The following BRD10 variants were observed in gnomAD, a reference collection of about 807,000 sequenced individuals.
BRD10 encodes bromodomain containing 10.
At chr9:5,999,609 A>G in the BRD10 span, among the ~76,000 whole-genome samples, 5 of 152,230 alleles carry the variant, frequency 3.3e-5, no homozygotes, top group African/African-American at 9.6e-5. Flanking sequence ...ATCTGGCTAC[A>G]TAATCTGGCC....
chr9:5,929,229 G>C, the BRD10 span: 7 of 832,382 alleles, frequency 8.4e-6, no homozygotes, highest in Middle Eastern at 7.4e-4. Context: ...TATTTTCTGA[G>C]TAAAATACAA....
the BRD10 span, among the ~76,000 whole-genome samples, chr9:5,916,434 T>C: frequency 8.6e-5 from 13 of 152,010 alleles, no homozygotes; most frequent in South Asian, 6.2e-4. Context: ...ACCAATAAAA[T>C]TGGAGACTTG....
At chr9:5,910,706 G>C in the BRD10 span, 1 of 152,236 alleles carries the variant, frequency 6.6e-6, no homozygotes, top group Non-Finnish European at 1.5e-5. Context: ...CTTGGGCTGA[G>C]TCTGCCAGAA....
At chr9:5,926,332 G>C in the BRD10 span, among the ~76,000 whole-genome samples, 11 of 151,954 alleles carry the variant, frequency 7.2e-5, no homozygotes, top group African/African-American at 2.7e-4. Context: ...TTTTGAGACA[G>C]GGTCTCGCTT....
the BRD10 span, among the ~76,000 whole-genome samples, chr9:6,006,943 C>A: frequency 9.8e-5 from 15 of 152,354 alleles, no homozygotes; most frequent in African/African-American, 3.6e-4. Flanking sequence ...TTTACATCTG[C>A]AAACTATACC....
the BRD10 span, among the ~76,000 whole-genome samples, chr9:5,987,356 T>A: frequency 3.2e-4 from 49 of 152,180 alleles, 1 homozygote; most frequent in African/African-American, 1.1e-3. Flanking sequence ...GTAGTGGAGA[T>A]GTAGACTACT....
chr9:5,912,879 G>A, the BRD10 span, among the ~76,000 whole-genome samples: 1 of 152,208 alleles, frequency 6.6e-6, no homozygotes, highest in Non-Finnish European at 1.5e-5. Context: ...TCCTCTGGCT[G>A]CAATAAGCAT....
At chr9:5,885,515 C>A in the BRD10 span, among the ~76,000 whole-genome samples, 156 of 152,186 alleles carry the variant, frequency 1.0e-3, no homozygotes, top group African/African-American at 3.7e-3. Flanking sequence ...GGATTACAGG[C>A]ATGCACCACC....
the BRD10 span, among the ~76,000 whole-genome samples, chr9:6,005,661 G>C: frequency 6.6e-6 from 1 of 152,164 alleles, no homozygotes; most frequent in East Asian, 1.9e-4. Context: ...GAACTCTAAG[G>C]TTCTTCCAGG....
At chr9:5,929,884 T>TA in the BRD10 span, among the ~76,000 whole-genome samples, 1 of 152,142 alleles carries the variant, frequency 6.6e-6, no homozygotes, top group Non-Finnish European at 1.5e-5. Flanking sequence ...TAAGGTCCTA[T>TA]AACTTAAACC....
the BRD10 span, among the ~76,000 whole-genome samples, chr9:5,981,263 G>C: frequency 6.6e-6 from 1 of 152,164 alleles, no homozygotes. Context: ...AGGTTGCCTT[G>C]GGCTTTGTCC....
At chr9:5,949,286 A>G in the BRD10 span, among the ~76,000 whole-genome samples, 1 of 152,218 alleles carries the variant, frequency 6.6e-6, no homozygotes, top group African/African-American at 2.4e-5. Flanking sequence ...TTGAACCAGG[A>G]AGTCAGAGAT....
At chr9:6,003,404 T>G in the BRD10 span, among the ~76,000 whole-genome samples, 26 of 152,344 alleles carry the variant, frequency 1.7e-4, no homozygotes, top group African/African-American at 6.3e-4. Flanking sequence ...TAATTTCCTA[T>G]TATTTTCTAT....
chr9:5,898,221 CTT>C, the BRD10 span: 2 of 152,578 alleles, frequency 1.3e-5, no homozygotes, highest in Non-Finnish European at 2.9e-5. Flanking sequence ...TAAAAAAAAA[CTT>C]TTTTTTGTAG....
the BRD10 span, among the ~76,000 whole-genome samples, chr9:5,943,263 C>CCTCTAGAAAATGAA: frequency 6.6e-6 from 1 of 152,114 alleles, no homozygotes; most frequent in Non-Finnish European, 1.5e-5. Flanking sequence ...AGAATGCTTG[C>CCTCTAGAAAATGAA]AGAAGTCTTT....
At chr9:5,933,529 G>T in the BRD10 span, among the ~76,000 whole-genome samples, 1 of 152,180 alleles carries the variant, frequency 6.6e-6, no homozygotes, top group Non-Finnish European at 1.5e-5. Context: ...AACACTGGAG[G>T]TTTTATAACC....
chr9:5,907,520 A>G, the BRD10 span, among the ~76,000 whole-genome samples: 1 of 152,246 alleles, frequency 6.6e-6, no homozygotes, highest in East Asian at 1.9e-4. Flanking sequence ...TAGTATGTAG[A>G]AAAGAAGATA....
chr9:5,983,963 A>ACC, the BRD10 span, among the ~76,000 whole-genome samples: 1 of 6,834 alleles, frequency 1.5e-4, no homozygotes, highest in South Asian at 4.8e-3. Context: ...TATATGCATT[A>ACC]CACACACACA....
chr9:5,988,107 C>T, the BRD10 span, among the ~76,000 whole-genome samples: 1 of 152,162 alleles, frequency 6.6e-6, no homozygotes, highest in Non-Finnish European at 1.5e-5. Flanking sequence ...ATGAATACTA[C>T]TAGAAATCTA....
Sources: allele counts gnomAD v4.1 joint callset (sites outside exome capture counted in the v4.1 genomes callset), GRCh38; gene constraint gnomAD v4.1.1; transcripts MANE v1.5; gene names NCBI Gene and HGNC (gene_info 2026-07-23, HGNC 2026-07-21).